PPFIA1: variants seen among roughly 807,000 people sequenced by gnomAD.
PPFIA1 encodes liprin-alpha-1.
A neutral mutation model predicts 149.9 loss-of-function variants in PPFIA1; 25 were observed. The observed-to-expected ratio is 0.17, with a 90% CI of 0.12 to 0.23. The LOEUF (loss-of-function observed/expected upper bound fraction) is 0.23. Ranked by LOEUF, PPFIA1 falls within the 10% of genes least tolerant of loss-of-function variation. PPFIA1 has a pLI of 1.00. For missense variants in PPFIA1, 1,362 were observed against 1,506.5 expected (o/e 0.90, Z 1.59); for synonymous variants, 549 against 552.8 (o/e 0.99, Z 0.10).
chr11:70,348,305 C>G lies in PPFIA1; in HGVS notation c.2048C>G (p.Pro683Arg), dbSNP rs147181972. ...GRFRSMSSIP[P>R]YPASSLASSS... ...TTTAGATCAATGAGCTCCATTCCCC[C>G]CTACCCTGCTTCCTCGCTTGCTAGC... is the stretch of plus-strand genomic sequence containing the variant. The change falls in exon 16 of 28, where the codon CCC becomes CGC. Residue 683 changes from proline (P) to arginine (R), a missense_variant. Pro to Arg is a moderately radical substitution (Grantham distance 103, BLOSUM62 -2). This residue lies in a region of PPFIA1 where 733 missense variants were observed against 744.1 expected (regional missense o/e 0.99). Coordinates refer to ENST00000253925, the MANE Select transcript of PPFIA1 (RefSeq NM_003626.5). The G allele has an allele frequency of 2.7e-5, 44 of 1,614,074 alleles. No individual in the cohort carries two copies. Among genetic ancestry groups the G allele is most frequent in the Middle Eastern group, 1.6e-4 (1 of 6,084 alleles).
In PPFIA1 at chr11:70,326,272, T is replaced by C; in HGVS notation, c.617T>C (p.Leu206Pro). Residue 206 changes from leucine to proline, a missense_variant, in exon 6 of 28, where the codon CTT (leucine) becomes CCT (proline). This residue lies in a region of PPFIA1 where 79 missense variants were observed against 146.2 expected (regional missense o/e 0.54). Transcript: ENST00000253925. ...LGATHKELMI[L>P]KEQNNQKKTL... ...ATTTTTTGCTTTCAGCTAATGATTCTTAAAGAACAGAATAATCAGAAAAAA... is the reference window on the plus strand; with the variant it reads ...ATTTTTTGCTTTCAGCTAATGATTCCTAAAGAACAGAATAATCAGAAAAAA... The C allele has an allele frequency of 6.3e-7, 1 of 1,594,696 alleles. No homozygotes were observed. Among genetic ancestry groups the C allele is most frequent in the Non-Finnish European group, 8.6e-7 (1 of 1,167,776 alleles).
In PPFIA1 at chr11:70,337,402, A is replaced by G. The variant is rs201064312; in HGVS notation, c.1466A>G (p.Gln489Arg). 247 of 1,600,638 alleles carry G rather than the reference A, an allele frequency of 1.5e-4. No individual in the cohort carries two copies. The highest frequency in any genetic ancestry group is 2.0e-4 in the Non-Finnish European group (236 of 1,173,006). ...LLREVESAKK[Q>R]LEETQHDKDQ... Reference sequence around the variant, plus strand: ...AGAGAAGTTGAAAGTGCAAAAAAGCAGTTAGAAGAAACACAACACGATAAG... The same window carrying G: ...AGAGAAGTTGAAAGTGCAAAAAAGCGGTTAGAAGAAACACAACACGATAAG... Residue 489 changes from glutamine to arginine, a missense_variant, in exon 12 of 28, where the codon CAG (glutamine) becomes CGG (arginine). Coordinates refer to ENST00000253925, the MANE Select transcript of PPFIA1 (RefSeq NM_003626.5).
intron 2 of PPFIA1, among the ~76,000 whole-genome samples, chr11:70,287,261 C>T (rs1427712293): frequency 1.3e-5 from 2 of 152,138 alleles, no homozygotes; most frequent in East Asian, 1.9e-4. Context: ...CCTGGCCCAG[C>T]GCCTCCCTGC....
intron 21 of PPFIA1, chr11:70,365,262 CTT>C: frequency 2.7e-6 from 1 of 377,106 alleles, no homozygotes; most frequent in Middle Eastern, 3.9e-4. Flanking sequence ...GAAGAGCGAA[CTT>C]TGCCTCCTCG....
At chr11:70,301,003 A>G (rs1038456914) in intron 2 of PPFIA1, among the ~76,000 whole-genome samples, 5 of 152,068 alleles carry the variant, frequency 3.3e-5, no homozygotes, top group Admixed American at 2.0e-4. Context: ...CAGGCCCTTC[A>G]TTTTTACTAA....
chr11:70,295,668 G>A (rs1329118384), intron 2 of PPFIA1, among the ~76,000 whole-genome samples: 9 of 143,840 alleles, frequency 6.3e-5, no homozygotes, highest in South Asian at 2.2e-4. Flanking sequence ...CGGACGGGGC[G>A]GCTGGCCGGG....
At chr11:70,355,908 G>A (rs935588994) in intron 18 of PPFIA1, 97 bp downstream of exon 18, 30 of 1,448,318 alleles carry the variant, frequency 2.1e-5, no homozygotes, top group African/African-American at 1.1e-4. Context: ...TCCAGGAGCC[G>A]TGTGCTCTCC....
At chr11:70,372,035 TA>T in intron 21 of PPFIA1, 179 bp from the exon 22 acceptor site, 1 of 462,230 alleles carries the variant, frequency 2.2e-6, no homozygotes, top group Non-Finnish European at 3.7e-6. Context: ...TCCTGTTGTA[TA>T]AAAATTTTAC....
At chr11:70,304,368 A>G (rs547892436) in intron 2 of PPFIA1, among the ~76,000 whole-genome samples, 13 of 152,042 alleles carry the variant, frequency 8.6e-5, no homozygotes, top group Non-Finnish European at 1.3e-4. Flanking sequence ...GGATCTCACT[A>G]TGTTGCCCAG....
At chr11:70,334,776 C>G (rs1378460807) in intron 10 of PPFIA1, 1 of 152,196 alleles carries the variant, frequency 6.6e-6, no homozygotes, top group Admixed American at 6.5e-5. Flanking sequence ...GCCTGGGCAG[C>G]ATGACTCGGG....
At position 70,290,347 on chromosome 11, in the gene PPFIA1, C is replaced by T. The variant is rs78778782; in HGVS notation, c.264+17911C>T. 1.8e-3 allele frequency among the ~76,000 whole-genome samples: 271 copies of T among 152,346 alleles called. 2 individuals carry two copies. The highest frequency in any genetic ancestry group is 6.3e-3 in the African/African-American group (261 of 41,582). On this transcript the variant is annotated intron_variant, in intron 2 of 27. Transcript: ENST00000253925. Reference sequence around the variant, plus strand: ...CACCTAGCCCTGTCGCACCCACCTCCGATAGGTGGGGTGAGGACGTGTCTG... The same window carrying T: ...CACCTAGCCCTGTCGCACCCACCTCTGATAGGTGGGGTGAGGACGTGTCTG...
Position 70,323,909 on chromosome 11 carries a change from G to A in PPFIA1, c.265-493G>A, listed in dbSNP as rs151328450. ...GCTCTGGAGGTCAAAACTGCAGTGAGCCATGGTCACACCATTGCACTCTAG... is the reference window on the plus strand; with the variant it reads ...GCTCTGGAGGTCAAAACTGCAGTGAACCATGGTCACACCATTGCACTCTAG... On this transcript the variant is annotated intron_variant, in intron 2 of 27. Transcript: ENST00000253925. 1.1e-4 allele frequency among the ~76,000 whole-genome samples: 17 copies of A among 152,282 alleles called. 1 individual carries two copies. Among genetic ancestry groups the A allele is most frequent in the African/African-American group, 3.9e-4 (16 of 41,558 alleles).
chr11:70,334,755 T>C (rs1371678153), intron 10 of PPFIA1: 1 of 152,266 alleles, frequency 6.6e-6, no homozygotes, highest in Non-Finnish European at 1.5e-5. Flanking sequence ...GTCTCATGGC[T>C]GTCTCCTCCT....
At chr11:70,305,101 C>T (rs1258584561) in intron 2 of PPFIA1, among the ~76,000 whole-genome samples, 1 of 152,140 alleles carries the variant, frequency 6.6e-6, no homozygotes, top group Non-Finnish European at 1.5e-5. Context: ...GGCCTAGTGT[C>T]CCGCAGGCAG....
chr11:70,290,361 A>G (rs1320824331), intron 2 of PPFIA1, among the ~76,000 whole-genome samples: 2 of 152,244 alleles, frequency 1.3e-5, no homozygotes, highest in Admixed American at 1.3e-4. Context: ...AGGTGGGGTG[A>G]GGACGTGTCT....
intron 2 of PPFIA1, among the ~76,000 whole-genome samples, chr11:70,296,446 G>A (rs58704532): frequency 3.3e-5 from 5 of 152,144 alleles, no homozygotes; most frequent in Non-Finnish European, 7.4e-5. Flanking sequence ...TCTGGAGGCC[G>A]AGGCTGGCGG....
intron 2 of PPFIA1, chr11:70,320,147 A>G (rs2053851665): frequency 6.6e-6 from 1 of 152,246 alleles, no homozygotes; most frequent in South Asian, 2.1e-4. Flanking sequence ...TCGAGGTGGA[A>G]GCACTCACTT....
At chr11:70,346,093 G>T (rs979013402) in intron 15 of PPFIA1, 34 of 341,840 alleles carry the variant, frequency 9.9e-5, no homozygotes, top group South Asian at 7.2e-4. Context: ...CTTACAAAAC[G>T]GGCCAACTGT....
At chr11:70,328,592 C>A (rs2054463184) in intron 7 of PPFIA1, among the ~76,000 whole-genome samples, 1 of 152,008 alleles carries the variant, frequency 6.6e-6, no homozygotes, top group Admixed American at 6.6e-5. Context: ...TGGGTATATA[C>A]CCCGTAATGG....
Sources: allele counts gnomAD v4.1 joint callset (sites outside exome capture counted in the v4.1 genomes callset), GRCh38; gene constraint gnomAD v4.1.1; regional missense constraint gnomAD v4.1.1; transcripts MANE v1.5; gene names NCBI Gene and HGNC (gene_info 2026-07-23, HGNC 2026-07-21).